KLHDC4: variants seen among roughly 807,000 people sequenced by gnomAD.
KLHDC4 encodes the protein kelch domain-containing protein 4.
Under a neutral mutation model 62.4 loss-of-function variants are expected in KLHDC4, and 90 were observed. The observed-to-expected ratio is 1.44, with a 90% CI of 1.22 to 1.72. The LOEUF (loss-of-function observed/expected upper bound fraction) is 1.72, where lower values mean the gene tolerates loss of function less well. Ranked by LOEUF, KLHDC4 falls within the 40% of genes most tolerant of loss-of-function variation. The pLI, the probability that KLHDC4 is intolerant of heterozygous loss-of-function variation, is 0.00. For missense variants in KLHDC4, 1,025 were observed against 699.7 expected (o/e 1.47, Z -5.25); for synonymous variants, 386 against 284.4 (o/e 1.36, Z -3.59).
At chr16:87,699,420 G>A (rs1216276930) in exon 1 of KLHDC4, 2 of 152,314 alleles carry the variant, frequency 1.3e-5, no homozygotes, top group Admixed American at 6.5e-5. Context: ...AGGGCCGGGC[G>A]CGGTGGCTCA....
intron 7 of KLHDC4, among the ~76,000 whole-genome samples, chr16:87,723,411 G>A (rs1348492709): frequency 1.3e-5 from 2 of 152,240 alleles, no homozygotes; most frequent in Non-Finnish European, 2.9e-5. Context: ...AGAATGACAC[G>A]CGACTCTGAT....
chr16:87,749,066 A>G (rs946365508), intron 4 of KLHDC4, among the ~76,000 whole-genome samples: 2 of 151,272 alleles, frequency 1.3e-5, no homozygotes, highest in East Asian at 3.9e-4. Flanking sequence ...ATCCATTTAC[A>G]TGTAGACAAT....
chr16:87,733,120 T>G (rs1464067726), intron 5 of KLHDC4, among the ~76,000 whole-genome samples: 1 of 125,384 alleles, frequency 8.0e-6, no homozygotes. Flanking sequence ...CCAGCTTCTA[T>G]CGGTGAAAAG....
At chr16:87,749,836 A>G (rs1409933201) in intron 4 of KLHDC4, among the ~76,000 whole-genome samples, 2 of 152,138 alleles carry the variant, frequency 1.3e-5, no homozygotes, top group Non-Finnish European at 2.9e-5. Flanking sequence ...TCGGCCTCCC[A>G]AAGCACACTG....
intron 5 of KLHDC4, among the ~76,000 whole-genome samples, chr16:87,743,379 G>C (rs1489982463): frequency 6.6e-6 from 1 of 152,152 alleles, no homozygotes; most frequent in Non-Finnish European, 1.5e-5. Flanking sequence ...ACAGGCATGA[G>C]CCACTGCACC....
exon 1 of KLHDC4, chr16:87,702,102 G>A (rs1478129749): frequency 1.1e-5 from 5 of 456,212 alleles, no homozygotes; most frequent in East Asian, 1.4e-4. Context: ...AACAGCCTTC[G>A]GGTCCCAGAG....
chr16:87,754,010 T>C (rs1034349884), intron 4 of KLHDC4, among the ~76,000 whole-genome samples: 15 of 145,092 alleles, frequency 1.0e-4, no homozygotes, highest in African/African-American at 3.6e-4. Flanking sequence ...CGTGGTGGCA[T>C]GTGCCTGTAA....
At chr16:87,749,918 C>G (rs572177358) in intron 4 of KLHDC4, among the ~76,000 whole-genome samples, 1 of 152,316 alleles carries the variant, frequency 6.6e-6, no homozygotes, top group Non-Finnish European at 1.5e-5. Flanking sequence ...CTCAGCACCA[C>G]AGTAAAGGTG....
chr16:87,742,612 G>C (rs1308023937), intron 5 of KLHDC4, among the ~76,000 whole-genome samples: 2 of 152,090 alleles, frequency 1.3e-5, no homozygotes, highest in Non-Finnish European at 2.9e-5. Flanking sequence ...GAGAGGTTAG[G>C]GTAAAACACA....
chr16:87,703,747 T>C (rs113530599), downstream of KLHDC4, among the ~76,000 whole-genome samples: 2,338 of 152,338 alleles, frequency 0.015, 44 homozygotes, highest in African/African-American at 0.049. Context: ...GTCACCGTGG[T>C]ACCTGCACTG....
intron 8 of KLHDC4, among the ~76,000 whole-genome samples, chr16:87,713,987 T>C (rs1244461686): frequency 3.9e-5 from 6 of 152,078 alleles, no homozygotes; most frequent in Non-Finnish European, 5.9e-5. Context: ...AATAGCAGTC[T>C]CGGTGATGAC....
exon 1 of KLHDC4, chr16:87,701,613 C>T (rs1400995310): frequency 4.6e-6 from 2 of 438,090 alleles, no homozygotes; most frequent in Admixed American, 2.4e-5. Context: ...GCAGAGTGGG[C>T]CAGGCAACAA....
At position 87,717,802 on chromosome 16, in the gene KLHDC4, G is replaced by C. The variant is rs535170353; in HGVS notation, c.760-3229C>G. 6.7e-5 allele frequency among the ~76,000 whole-genome samples: 10 copies of C among 149,112 alleles called. No individual in the cohort carries two copies. The South Asian group carries it at 2.1e-3, about 31-fold the overall frequency. ...CATCAGAAACTCAAATCGCTGCTTAGCTTCGGCAGGTCTCTGTCTCCTTGT... is the reference window on the plus strand; with the variant it reads ...CATCAGAAACTCAAATCGCTGCTTACCTTCGGCAGGTCTCTGTCTCCTTGT... On this transcript the variant is annotated intron_variant, in intron 7 of 11. Coordinates refer to ENST00000270583, the MANE Select transcript of KLHDC4 (RefSeq NM_017566.4).
At position 87,748,768 on chromosome 16, in the gene KLHDC4, A is replaced by G. The variant is rs1431386490; in HGVS notation, c.411T>C (p.Phe137=). 7 of 1,613,042 alleles carry G rather than the reference A, an allele frequency of 4.3e-6. No homozygotes were observed. Among genetic ancestry groups the G allele is most frequent in the South Asian group, 1.1e-5 (1 of 90,974 alleles). ...VPQGGGQLWV[F]GGEFASPNGE... is the part of the protein sequence containing the mutation. ...CGTTGGGAGAGGCAAACTCCCCTCC[A>G]AAGACCCACAGCTGTCCGCCACCTT... Residue 137 remains phenylalanine (F), a synonymous_variant, in exon 5 of 12, where the codon TTT becomes TTC. Coordinates refer to ENST00000270583, the MANE Select transcript of KLHDC4 (RefSeq NM_017566.4).
At chr16:87,714,416 CACATCCATGGGAGGGTGTGGGCTCTGCCT>C in intron 8 of KLHDC4, 53 bp downstream of exon 8, 1 of 1,587,670 alleles carries the variant, frequency 6.3e-7, no homozygotes, top group Non-Finnish European at 8.6e-7. Context: ...CCGCCAGCCC[CACATCCATGGGAGGGTGTGGGCTCTGCCT>C]CCCGCCACAC....
chr16:87,722,243 G>C (rs1299501604), intron 7 of KLHDC4, among the ~76,000 whole-genome samples: 1 of 152,222 alleles, frequency 6.6e-6, no homozygotes, highest in Non-Finnish European at 1.5e-5. Flanking sequence ...TTACGATACT[G>C]ACCAAAGCTG....
intron 6 of KLHDC4, among the ~76,000 whole-genome samples, chr16:87,729,054 C>G (rs928280485): frequency 6.6e-6 from 1 of 152,098 alleles, no homozygotes. Flanking sequence ...TGAGATTACA[C>G]ATGTGAGCCA....
intron 8 of KLHDC4, among the ~76,000 whole-genome samples, chr16:87,713,597 T>C (rs1243785597): frequency 6.6e-6 from 1 of 152,074 alleles, no homozygotes; most frequent in Non-Finnish European, 1.5e-5. Context: ...GCACGGCTTC[T>C]TCCGCTTCAG....
intron 7 of KLHDC4, among the ~76,000 whole-genome samples, chr16:87,725,476 A>T (rs1273216112): frequency 6.6e-6 from 1 of 152,178 alleles, no homozygotes; most frequent in Non-Finnish European, 1.5e-5. Context: ...AAGCATAGCA[A>T]AATCTTAATA....
Sources: gnomAD v4.1 joint callset for allele counts (sites outside exome capture counted in the v4.1 genomes callset) on GRCh38, gnomAD v4.1.1 for gene constraint, MANE v1.5 for transcripts, NCBI Gene and HGNC (gene_info 2026-07-23, HGNC 2026-07-21) for gene names.